MYO15A: variants seen among roughly 807,000 people sequenced by gnomAD.
The protein encoded by MYO15A is myosin XVA, also known as unconventional myosin-XV.
MYO15A carries 308 observed loss-of-function variants against 394.6 expected under a neutral mutation model. The ratio of observed to expected loss-of-function variants is 0.78; its 90% confidence interval spans 0.71 to 0.86. The LOEUF is 0.86. Among genes scored for constraint, MYO15A ranks in the 40% least tolerant of loss-of-function variants. The probability of loss-of-function intolerance (pLI) is 0.00; values close to 1 mark genes in which losing one functional copy is unlikely to be tolerated. For missense variants in MYO15A, 4,606 were observed against 4,799.1 expected (o/e 0.96, Z 1.19); for synonymous variants, 1,957 against 2,003.8 (o/e 0.98, Z 0.62).
rs749113160 is a variant in MYO15A, at chr17:18,151,454, C to T, written c.7714C>T (p.Pro2572Ser). Residue 2572 changes from proline to serine, a missense_variant, in exon 40 of 66, where the codon CCC becomes TCC. By Grantham distance (74) the Pro-to-Ser change is moderately conservative. Around this residue, in one of 2 missense-constraint regions of MYO15A, gnomAD observed 2,776 missense variants for 3,109.3 expected, o/e 0.89. Transcript: ENST00000647165. The stretch of plus-strand genomic sequence containing the variant: ...GCTCAACTCTGAGCACTTCCCACAG[C>T]CCACACAGCAGATCAAGAATATTGT... ...STLNSEHFPQ[P>S]TQQIKNIVRQ... The T allele has an allele frequency of 4.9e-5, 79 of 1,614,088 alleles. No individual in the cohort carries two copies. The highest frequency in any genetic ancestry group is 6.6e-5 in the Non-Finnish European group (78 of 1,180,056).
intron 45 of MYO15A, 33 bp downstream of exon 45, chr17:18,154,788 G>A (rs2046645680): frequency 1.2e-6 from 2 of 1,605,938 alleles, no homozygotes; most frequent in Admixed American, 1.7e-5. Context: ...TACTGATGGG[G>A]CAACCAGTCA....
intron 7 of MYO15A, among the ~76,000 whole-genome samples, chr17:18,128,672 C>T (rs1351611019): frequency 6.6e-6 from 1 of 152,190 alleles, no homozygotes; most frequent in Non-Finnish European, 1.5e-5. Flanking sequence ...CTCCTGTGGC[C>T]AGGCACAGTG....
At chr17:18,123,637 G>A (rs887161277) in intron 2 of MYO15A, 1 of 152,530 alleles carries the variant, frequency 6.6e-6, no homozygotes, top group African/African-American at 2.4e-5. Flanking sequence ...AGGCCTGCAT[G>A]CCTGAGCATG....
rs759343585 is a variant in MYO15A at position 18,142,079 on chromosome 17, C to A, written c.5650C>A (p.Leu1884Met). 4 of 1,612,428 alleles carry A rather than the reference C, an allele frequency of 2.5e-6. No homozygotes were observed. The South Asian group carries it at 4.4e-5, about 18-fold the overall frequency. The change falls in exon 24 of 66, where the codon CTG becomes ATG. Residue 1884 changes from leucine (L) to methionine (M), a missense_variant and splice_region_variant. Coordinates refer to ENST00000647165, the MANE Select transcript of MYO15A (RefSeq NM_016239.4). ...CTCAGTGCCTTCCTCCTGTCCTTAG[C>A]TGTTCCTTAAGGAACACCTATACCA... Reference protein sequence around the residue: ...PNMYRVGVSKLFLKEHLYQLL... With the variant: ...PNMYRVGVSKMFLKEHLYQLL...
At chr17:18,126,707 C>G in intron 5 of MYO15A, 84 bp from the exon 6 acceptor site, 1 of 1,477,856 alleles carries the variant, frequency 6.8e-7, no homozygotes, top group Non-Finnish European at 9.5e-7. Context: ...GGCTGTTTGG[C>G]TGGATACGGA....
At position 18,121,188 on chromosome 17, in the gene MYO15A, G is replaced by A. The variant is rs769352780; in HGVS notation, c.2388G>A (p.Ser796=). 5.3e-6 allele frequency: 8 copies of A among 1,509,540 alleles called. No homozygotes were observed. The South Asian group carries it at 8.6e-5, about 16-fold the overall frequency. 93.5% of individuals were successfully genotyped at this position (1,509,540 alleles called of 1,614,324 possible). Residue 796 remains serine (S), a synonymous_variant, in exon 2 of 66, where the codon TCG becomes TCA. Coordinates refer to ENST00000647165, the MANE Select transcript of MYO15A (RefSeq NM_016239.4). The surrounding 1 kb of genome is among the most constrained non-coding windows in gnomAD (Gnocchi z 5.3). ...ACTGCTCACCCTTGGCGCCCCCGTC[G>A]CCTCAGCTGTCCTTGCGCACGGGCC... ...LGYCSPLAPP[S]PQLSLRTGPF...
At chr17:18,156,631 C>T (rs867284991) in intron 48 of MYO15A, among the ~76,000 whole-genome samples, 1 of 152,232 alleles carries the variant, frequency 6.6e-6, no homozygotes, top group African/African-American at 2.4e-5. Flanking sequence ...AATCTCTTTC[C>T]ATCCCCTCTG....
chr17:18,144,097 C>T, intron 28 of MYO15A, 97 bp downstream of exon 28: 1 of 1,569,322 alleles, frequency 6.4e-7, no homozygotes, highest in Admixed American at 1.8e-5. Context: ...CTGGCTGTGC[C>T]CTGTGGTGTT....
Position 18,172,226 on chromosome 17 carries a change from T to A in MYO15A, c.10286T>A (p.Val3429Glu), listed in dbSNP as rs749188123. The A allele has an allele frequency of 6.2e-7, 1 of 1,614,244 alleles. No individual in the cohort carries two copies. The highest frequency in any genetic ancestry group is 1.1e-5 in the South Asian group (1 of 91,088). ...FFIQSCSNIA[V>E]PAPCILAINH... Reference sequence around the variant, plus strand: ...ATCCAGAGCTGCAGCAACATTGCTGTGCCAGCCCCTTGCATCCTTGCCATC... The same window carrying A: ...ATCCAGAGCTGCAGCAACATTGCTGAGCCAGCCCCTTGCATCCTTGCCATC... The change falls in exon 64 of 66, where the codon GTG (valine) becomes GAG (glutamate). Residue 3429 changes from valine (V) to glutamate (E), a missense_variant. Physicochemically the swap from Val to Glu is moderately radical, Grantham distance 121. This residue lies in a region of MYO15A where 2,776 missense variants were observed against 3,109.3 expected (regional missense o/e 0.89). Coordinates refer to ENST00000647165, the MANE Select transcript of MYO15A (RefSeq NM_016239.4).
intron 43 of MYO15A, 107 bp downstream of exon 43, chr17:18,154,003 A>T: frequency 1.2e-6 from 2 of 1,604,116 alleles, no homozygotes; most frequent in Non-Finnish European, 1.7e-6. Context: ...AGGAGGACAG[A>T]AAAAGGCCGG....
In MYO15A at chr17:18,153,111, A is replaced by G. The variant is rs992193892; in HGVS notation, c.7967-664A>G. 6.6e-6 allele frequency among the ~76,000 whole-genome samples: 1 copy of G among 152,220 alleles called. No homozygotes were observed. Among genetic ancestry groups the G allele is most frequent in the East Asian group, 1.9e-4 (1 of 5,196 alleles). On this transcript the variant is annotated intron_variant, in intron 42 of 65. Transcript: ENST00000647165. The surrounding 1 kb of genome is among the most constrained non-coding windows in gnomAD (Gnocchi z 4.1). ...AGCCTTTAGCCCAGGCCTGTATACA[A>G]TAGGTGTTTTGGCTGGGTGTAGTGG...
In MYO15A at chr17:18,138,935, A is replaced by AG; in HGVS notation, c.5133+1dup. On this transcript the variant is annotated frameshift_variant and splice_region_variant, in exon 18 of 66. Coordinates refer to ENST00000647165, the MANE Select transcript of MYO15A (RefSeq NM_016239.4). LOFTEE classifies it high-confidence loss of function. ...CACTATGCAGGCAAGGTCACCTACC[A>AG]GGTGAGCCCTAAGACAGTCGGCCTG... 1 of 1,611,880 alleles carries AG rather than the reference A, an allele frequency of 6.2e-7. No individual in the cohort carries two copies. Among genetic ancestry groups the AG allele is most frequent in the Non-Finnish European group, 8.5e-7 (1 of 1,178,992 alleles).
chr17:18,135,652 A>G (rs2046252311), intron 12 of MYO15A, 59 bp from the exon 13 acceptor site: 11 of 1,535,590 alleles, frequency 7.2e-6, no homozygotes, highest in African/African-American at 1.4e-5. Flanking sequence ...TGTTTTTCAT[A>G]TGAACTTTAA....
At chr17:18,137,187 T>C (rs2046295590) in intron 15 of MYO15A, among the ~76,000 whole-genome samples, 1 of 152,248 alleles carries the variant, frequency 6.6e-6, no homozygotes, top group South Asian at 2.1e-4. Flanking sequence ...GGCACTCACG[T>C]GGCACCTGTT....
chr17:18,139,877 A>C (rs2046347948), intron 19 of MYO15A, among the ~76,000 whole-genome samples: 1 of 152,106 alleles, frequency 6.6e-6, no homozygotes, highest in Non-Finnish European at 1.5e-5. Flanking sequence ...TCCCAGTTCT[A>C]ACCCTGTACC....
intron 60 of MYO15A, among the ~76,000 whole-genome samples, chr17:18,165,276 CATAAAT>C: frequency 6.6e-6 from 1 of 152,212 alleles, no homozygotes; most frequent in East Asian, 1.9e-4. Context: ...CTTAAAAAAA[CATAAAT>C]ATATTACCTT....
intron 65 of MYO15A, among the ~76,000 whole-genome samples, chr17:18,175,944 C>T (rs1299827955): frequency 6.6e-6 from 1 of 152,128 alleles, no homozygotes; most frequent in Non-Finnish European, 1.5e-5. Flanking sequence ...TGCCCTGGGC[C>T]CTCTGCCCTC....
Position 18,148,275 on chromosome 17 carries a change from G to T in MYO15A, c.6691+65G>T. On this transcript the variant is annotated intron_variant, in intron 31 of 65. Transcript: ENST00000647165. The surrounding 1 kb of genome is among the most constrained non-coding windows in gnomAD (Gnocchi z 4.8). ...TCAGCAGGGCCCAGTGAGCCCCGGG[G>T]ATGGCAGAAGCCACTGGATGTTCTG... 1.3e-6 allele frequency: 2 copies of T among 1,596,732 alleles called. No homozygotes were observed. Among genetic ancestry groups the T allele is most frequent in the Admixed American group, 3.4e-5 (2 of 58,584 alleles).
chr17:18,151,382 C>T lies in MYO15A; in HGVS notation c.7655-13C>T, dbSNP rs2046579092. The T allele has an allele frequency of 6.2e-7, 1 of 1,614,080 alleles. No homozygotes were observed. The highest frequency in any genetic ancestry group is 1.3e-5 in the African/African-American group (1 of 74,924). On this transcript the variant is annotated splice_polypyrimidine_tract_variant and intron_variant, in intron 39 of 65. Transcript: ENST00000647165. ...TGGCCTCACCCTGTTCCCACCGCGC[C>T]CCTTGCCCACAGCTTCACCCTCCCC...
Sources: allele counts gnomAD v4.1 joint callset (sites outside exome capture counted in the v4.1 genomes callset), GRCh38; gene constraint gnomAD v4.1.1; regional missense constraint gnomAD v4.1.1; non-coding constraint Gnocchi (gnomAD v3.1); transcripts MANE v1.5; gene names NCBI Gene and HGNC (gene_info 2026-07-23, HGNC 2026-07-21).